Variants in SLC26A7 observed in about 807,000 individuals in gnomAD.
SLC26A7 encodes the protein anion exchange transporter.
SLC26A7 carries 59 observed loss-of-function variants against 82.5 expected under a neutral mutation model. The ratio of observed to expected loss-of-function variants is 0.72; its 90% confidence interval spans 0.58 to 0.89. The LOEUF (loss-of-function observed/expected upper bound fraction) is 0.89. Among genes scored for constraint, SLC26A7 ranks in the 40% least tolerant of loss-of-function variants. The pLI, the probability that SLC26A7 is intolerant of heterozygous loss-of-function variation, is 0.00. For synonymous variants in SLC26A7, 271 were observed against 274.3 expected (o/e 0.99, Z 0.12); for missense variants, 820 against 793.0 (o/e 1.03, Z -0.41).
At chr8:91,217,945 A>G (rs1218521566) in intron 1 of SLC26A7, among the ~76,000 whole-genome samples, 1 of 152,098 alleles carries the variant, frequency 6.6e-6, no homozygotes, top group African/African-American at 2.4e-5. Flanking sequence ...AGGGGATGTG[A>G]CTTATGACTT....
chr8:91,284,446 C>A (rs1811657173), intron 2 of SLC26A7, among the ~76,000 whole-genome samples: 1 of 152,166 alleles, frequency 6.6e-6, no homozygotes, highest in South Asian at 2.1e-4. Flanking sequence ...AATTGTGTTT[C>A]TTTTTGTGGA....
chr8:91,372,482 T>A (rs902872020), intron 15 of SLC26A7, among the ~76,000 whole-genome samples: 1 of 151,842 alleles, frequency 6.6e-6, no homozygotes, highest in Non-Finnish European at 1.5e-5. Context: ...CATTTTTGAA[T>A]AAGCAATCCT....
intron 2 of SLC26A7, among the ~76,000 whole-genome samples, chr8:91,269,742 T>G (rs139912026): frequency 8.4e-4 from 128 of 152,242 alleles, no homozygotes; most frequent in African/African-American, 2.8e-3. Context: ...TTTTAAGTGT[T>G]CCTAGTAAGT....
chr8:91,246,993 C>G (rs1222752230), upstream of SLC26A7, among the ~76,000 whole-genome samples: 1 of 152,278 alleles, frequency 6.6e-6, no homozygotes, highest in African/African-American at 2.4e-5. Flanking sequence ...GCACTTCACA[C>G]AGAGTCTAGC....
At chr8:91,277,676 T>A (rs2130745256) in intron 2 of SLC26A7, among the ~76,000 whole-genome samples, 1 of 152,354 alleles carries the variant, frequency 6.6e-6, no homozygotes, top group African/African-American at 2.4e-5. Flanking sequence ...ATATTTATGT[T>A]TCTGTATAAG....
At chr8:91,367,356 C>T (rs916533230) in intron 14 of SLC26A7, among the ~76,000 whole-genome samples, 1 of 152,140 alleles carries the variant, frequency 6.6e-6, no homozygotes, top group African/African-American at 2.4e-5. Context: ...TAACTCTAAA[C>T]GTGATAGAAT....
At chr8:91,236,190 T>A (rs960541210) in intron 2 of SLC26A7, among the ~76,000 whole-genome samples, 1 of 152,144 alleles carries the variant, frequency 6.6e-6, no homozygotes, top group Non-Finnish European at 1.5e-5. Context: ...TATTCTTAAC[T>A]GCATGAAAAA....
At chr8:91,353,041 TTA>T (rs1467543773) in intron 11 of SLC26A7, 45 bp downstream of exon 11, 1 of 1,348,706 alleles carries the variant, frequency 7.4e-7, no homozygotes, top group South Asian at 1.2e-5. Flanking sequence ...TAGCTTAAGC[TTA>T]TGTTACCAAA....
chr8:91,275,340 C>G (rs1164394904), intron 2 of SLC26A7, among the ~76,000 whole-genome samples: 1 of 151,948 alleles, frequency 6.6e-6, no homozygotes, highest in Non-Finnish European at 1.5e-5. Flanking sequence ...GCTTTGTTGC[C>G]CAGGCTGGAG....
chr8:91,330,446 T>C (rs1343152442), intron 5 of SLC26A7, among the ~76,000 whole-genome samples: 1 of 152,166 alleles, frequency 6.6e-6, no homozygotes, highest in African/African-American at 2.4e-5. Context: ...ATCCATTGTC[T>C]ATATAATGTT....
chr8:91,308,665 A>G (rs1206846412), intron 4 of SLC26A7, among the ~76,000 whole-genome samples: 3 of 152,170 alleles, frequency 2.0e-5, no homozygotes, highest in Non-Finnish European at 4.4e-5. Context: ...TGCATAAATT[A>G]CTGGAATTCT....
chr8:91,390,125 T>G (rs79017768), intron 16 of SLC26A7, among the ~76,000 whole-genome samples: 3 of 151,570 alleles, frequency 2.0e-5, no homozygotes, highest in Non-Finnish European at 4.4e-5. Context: ...TTTTTTTTTT[T>G]TCTGAGACGG....
chr8:91,211,918 G>C (rs1037854342), intron 1 of SLC26A7, among the ~76,000 whole-genome samples: 1 of 151,944 alleles, frequency 6.6e-6, no homozygotes, highest in Non-Finnish European at 1.5e-5. Flanking sequence ...TTCTATTCAG[G>C]TGAATGTAAA....
chr8:91,250,065 A>G (rs1471779574), intron 2 of SLC26A7, among the ~76,000 whole-genome samples: 1 of 152,140 alleles, frequency 6.6e-6, no homozygotes, highest in East Asian at 1.9e-4. Flanking sequence ...TTTGAATGAC[A>G]TTACATTTTT....
chr8:91,280,021 GTATGGTTGGCAGA>G (rs1479637847), intron 2 of SLC26A7, among the ~76,000 whole-genome samples: 1 of 152,090 alleles, frequency 6.6e-6, no homozygotes, highest in African/African-American at 2.4e-5. Context: ...CTCATTCGAT[GTATGGTTGGCAGA>G]TATTTTATCC....
chr8:91,350,669 T>C (rs1456906159), intron 9 of SLC26A7, among the ~76,000 whole-genome samples: 1 of 152,144 alleles, frequency 6.6e-6, no homozygotes, highest in East Asian at 1.9e-4. Flanking sequence ...CATCCATTTT[T>C]TTAAATTGCT....
chr8:91,357,922 AAAC>A (rs1813919149), intron 11 of SLC26A7, among the ~76,000 whole-genome samples: 1 of 151,888 alleles, frequency 6.6e-6, no homozygotes, highest in South Asian at 2.1e-4. Context: ...AAGAAAAAGA[AAAC>A]AACACCATCA....
At chr8:91,310,915 C>CTT (rs889030447) in intron 4 of SLC26A7, among the ~76,000 whole-genome samples, 2 of 150,024 alleles carry the variant, frequency 1.3e-5, no homozygotes, top group Non-Finnish European at 3.0e-5. Flanking sequence ...GTGCACTTTA[C>CTT]TTTTTTTTTT....
intron 7 of SLC26A7, among the ~76,000 whole-genome samples, chr8:91,339,782 T>C (rs971540878): frequency 2.6e-5 from 4 of 152,014 alleles, no homozygotes; most frequent in Admixed American, 6.6e-5. Flanking sequence ...TTGAGAGAAA[T>C]ATTTTGAACA....
Sources: allele counts gnomAD v4.1 joint callset (sites outside exome capture counted in the v4.1 genomes callset), GRCh38; gene constraint gnomAD v4.1.1; transcripts MANE v1.5; gene names NCBI Gene and HGNC (gene_info 2026-07-23, HGNC 2026-07-21).